The following EPHA7 variants were observed in gnomAD, a reference collection of about 807,000 sequenced individuals.
EPHA7 encodes the protein EPH receptor A7.
In EPHA7, 25 loss-of-function variants were observed where a neutral mutation model predicts 112.6. The ratio of observed to expected loss-of-function variants is 0.22; its 90% CI spans 0.16 to 0.31. The LOEUF is 0.31. Ranked by LOEUF, EPHA7 falls within the 10% of genes least tolerant of loss-of-function variation. The pLI is 1.00. For synonymous variants in EPHA7, 437 were observed against 406.5 expected, an observed-to-expected ratio of 1.07 and a Z score of -0.90; for missense variants, 962 against 1,212.6, an observed-to-expected ratio of 0.79 and a Z score of 3.07.
At chr6:93,269,385 T>C in intron 7 of EPHA7, 92 bp downstream of exon 7, 1 of 974,494 alleles carries the variant, frequency 1.0e-6, no homozygotes, top group South Asian at 1.9e-5. Context: ...GTAAAAATTA[T>C]GATGGTGCAA....
At chr6:93,385,807 A>T (rs946214498) in intron 3 of EPHA7, among the ~76,000 whole-genome samples, 1 of 152,204 alleles carries the variant, frequency 6.6e-6, no homozygotes, top group East Asian at 1.9e-4. Flanking sequence ...AAATTTATAA[A>T]GGAAAGAGGT....
chr6:93,355,509 T>C (rs534043152), intron 5 of EPHA7, among the ~76,000 whole-genome samples: 3 of 152,322 alleles, frequency 2.0e-5, no homozygotes, highest in African/African-American at 7.2e-5. Flanking sequence ...GACCTTGTTA[T>C]TAGCTTGTTA....
chr6:93,271,407 A>G (rs557290348), intron 6 of EPHA7, among the ~76,000 whole-genome samples: 4 of 152,006 alleles, frequency 2.6e-5, no homozygotes, highest in African/African-American at 4.8e-5. Context: ...TTGTCTAAAC[A>G]GTTAAAATGG....
At chr6:93,341,176 A>C (rs1775118380) in intron 5 of EPHA7, among the ~76,000 whole-genome samples, 1 of 151,988 alleles carries the variant, frequency 6.6e-6, no homozygotes, top group East Asian at 1.9e-4. Context: ...GGTCACTTTC[A>C]AACAGACAGC....
intron 5 of EPHA7, among the ~76,000 whole-genome samples, chr6:93,309,450 T>G (rs1464926933): frequency 6.6e-6 from 1 of 152,184 alleles, no homozygotes; most frequent in Non-Finnish European, 1.5e-5. Context: ...GCACAATTTT[T>G]TTTTCAGCAC....
chr6:93,283,781 G>T (rs1262125303), intron 5 of EPHA7, among the ~76,000 whole-genome samples: 1 of 152,150 alleles, frequency 6.6e-6, no homozygotes, highest in Non-Finnish European at 1.5e-5. Flanking sequence ...CTTGAAGTCA[G>T]TGAGACCAAG....
At chr6:93,357,327 G>A (rs1582586471) in intron 4 of EPHA7, among the ~76,000 whole-genome samples, 1 of 151,934 alleles carries the variant, frequency 6.6e-6, no homozygotes, top group East Asian at 1.9e-4. Context: ...TTGTACTTTT[G>A]CCACAGTCTT....
rs1778947015 is a variant in EPHA7 at position 93,410,932 on chromosome 6, G to C, written c.401C>G (p.Thr134Ser). ...GAGGTTTTCTCTTATATTCCTGCCA[G>C]TGTCATAGTCTGTTTCATAATAGTA... Reference protein sequence around the residue: ...NLYYYETDYDTGRNIRENLYV... With the variant: ...NLYYYETDYDSGRNIRENLYV... The change falls in exon 3 of 17, where the codon ACT becomes AGT. Residue 134 changes from threonine to serine, a missense_variant. Coordinates refer to ENST00000369303, the MANE Select transcript of EPHA7 (RefSeq NM_004440.4). The surrounding 1 kb of genome is among the most constrained non-coding windows in gnomAD (Gnocchi z 4.0). 1 of 1,613,818 alleles carries C rather than the reference G, an allele frequency of 6.2e-7. No individual in the cohort carries two copies. The highest frequency in any genetic ancestry group is 1.3e-5 in the African/African-American group (1 of 74,870).
chr6:93,281,236 C>T (rs1771722247), intron 5 of EPHA7, among the ~76,000 whole-genome samples: 2 of 152,008 alleles, frequency 1.3e-5, no homozygotes, highest in African/African-American at 2.4e-5. Context: ...CAAAATGAGA[C>T]GAAGACCAAC....
At chr6:93,408,437 C>A (rs1000391630) in intron 3 of EPHA7, among the ~76,000 whole-genome samples, 3 of 151,980 alleles carry the variant, frequency 2.0e-5, no homozygotes, top group Admixed American at 6.6e-5. Flanking sequence ...ATTTTGCCTA[C>A]AAGCAGGGAT....
intron 5 of EPHA7, among the ~76,000 whole-genome samples, chr6:93,346,249 C>G (rs1775401384): frequency 6.6e-6 from 1 of 151,784 alleles, no homozygotes; most frequent in African/African-American, 2.4e-5. Flanking sequence ...TATGAAATTA[C>G]TATCCATTGG....
chr6:93,342,766 G>A (rs1255038026), intron 5 of EPHA7, among the ~76,000 whole-genome samples: 1 of 149,860 alleles, frequency 6.7e-6, no homozygotes, highest in Non-Finnish European at 1.5e-5. Context: ...TCGTATATAT[G>A]TTTATTATGC....
chr6:93,358,508 G>T, intron 3 of EPHA7, 97 bp from the exon 4 acceptor site: 1 of 1,031,218 alleles, frequency 9.7e-7, no homozygotes, highest in Non-Finnish European at 1.4e-6. Context: ...TATTAAATGT[G>T]ATGTATGTAA....
intron 5 of EPHA7, among the ~76,000 whole-genome samples, chr6:93,346,115 A>G (rs533138882): frequency 6.6e-6 from 1 of 151,856 alleles, no homozygotes; most frequent in South Asian, 2.1e-4. Flanking sequence ...GTGGCAGTGC[A>G]TAGGAATTGG....
Position 93,272,284 on chromosome 6 carries a change from C to A in EPHA7, c.1449+14G>T. On this transcript the variant is annotated intron_variant, in intron 6 of 16. Coordinates refer to ENST00000369303, the MANE Select transcript of EPHA7 (RefSeq NM_004440.4). ...CACAGCACATTGTACATTTCAGTTG[C>A]TCTTAGCACTTACTTTCTCGTAATA... 6.2e-7 allele frequency: 1 copy of A among 1,610,968 alleles called. No homozygotes were observed.
intron 5 of EPHA7, among the ~76,000 whole-genome samples, chr6:93,305,936 G>A (rs761909350): frequency 9.9e-5 from 15 of 151,636 alleles, no homozygotes; most frequent in African/African-American, 4.8e-5. Flanking sequence ...GAAACTCCTG[G>A]CTTTAAAATA....
At chr6:93,243,779 G>C (rs774902277) in intron 16 of EPHA7, among the ~76,000 whole-genome samples, 2 of 152,008 alleles carry the variant, frequency 1.3e-5, no homozygotes, top group African/African-American at 4.8e-5. Flanking sequence ...CACTTTTAAA[G>C]TGATTTGAAA....
At chr6:93,357,120 C>A in intron 4 of EPHA7, 68 bp from the exon 5 acceptor site, 1 of 1,287,844 alleles carries the variant, frequency 7.8e-7, no homozygotes, top group South Asian at 1.5e-5. Context: ...ACAAAAAGAA[C>A]AAAAGGATCT....
At chr6:93,294,427 A>G (rs748994256) in intron 5 of EPHA7, among the ~76,000 whole-genome samples, 4 of 152,170 alleles carry the variant, frequency 2.6e-5, no homozygotes, top group Non-Finnish European at 5.9e-5. Flanking sequence ...CTGAATTTAT[A>G]TATAACTACT....
Sources: gnomAD v4.1 joint callset for allele counts (sites outside exome capture counted in the v4.1 genomes callset) on GRCh38, gnomAD v4.1.1 for gene constraint, Gnocchi (gnomAD v3.1) non-coding constraint, MANE v1.5 for transcripts, NCBI Gene and HGNC (gene_info 2026-07-23, HGNC 2026-07-21) for gene names.